Variants in BCAS3 observed in about 807,000 individuals in gnomAD.
BCAS3 encodes the protein BCAS3 microtubule associated cell migration factor.
A neutral mutation model predicts 116.1 loss-of-function variants in BCAS3; 53 were observed. The observed-to-expected ratio is 0.46, with a 90% confidence interval of 0.37 to 0.57. The LOEUF (loss-of-function observed/expected upper bound fraction) is 0.57, where lower values mean the gene tolerates loss of function less well. Among genes scored for constraint, BCAS3 ranks in the 20% least tolerant of loss-of-function variants. BCAS3 has a pLI of 0.00. For missense variants in BCAS3, 917 were observed against 1,165.4 expected, an observed-to-expected ratio of 0.79 and a Z score of 3.10; for synonymous variants, 391 against 408.2, an observed-to-expected ratio of 0.96 and a Z score of 0.51.
intron 6 of BCAS3, among the ~76,000 whole-genome samples, chr17:60,792,146 A>C (rs996262084): frequency 1.1e-4 from 16 of 152,100 alleles, no homozygotes; most frequent in African/African-American, 3.6e-4. Context: ...AAACAAACAA[A>C]AATCCCCGTT....
chr17:61,167,807 A>G (rs1170478075), intron 22 of BCAS3, among the ~76,000 whole-genome samples: 1 of 152,162 alleles, frequency 6.6e-6, no homozygotes, highest in African/African-American at 2.4e-5. Flanking sequence ...AGGACATTTC[A>G]TACAAAGGAA....
intron 5 of BCAS3, among the ~76,000 whole-genome samples, chr17:60,729,736 G>A (rs1486605226): frequency 6.6e-6 from 1 of 152,120 alleles, no homozygotes; most frequent in Non-Finnish European, 1.5e-5. Context: ...GTGGAAAGAG[G>A]CGATGAACCA....
At chr17:60,977,491 TTTATTATTATTA>T (rs199534358) in intron 14 of BCAS3, among the ~76,000 whole-genome samples, 2 of 149,610 alleles carry the variant, frequency 1.3e-5, no homozygotes, top group South Asian at 2.1e-4. Flanking sequence ...GCACTTTCTT[TTTATTATTATTA>T]TTATTATTAT....
intron 5 of BCAS3, among the ~76,000 whole-genome samples, chr17:60,734,468 A>C (rs1222654517): frequency 6.6e-6 from 1 of 152,138 alleles, no homozygotes; most frequent in East Asian, 1.9e-4. Context: ...TTCGTGTTTC[A>C]CATTTAGGTC....
Position 61,244,105 on chromosome 17 carries a change from T to G in BCAS3, c.2426-124222T>G, listed in dbSNP as rs2047740887. 6.6e-6 allele frequency among the ~76,000 whole-genome samples: 1 copy of G among 152,204 alleles called. No individual in the cohort carries two copies. Among genetic ancestry groups the G allele is most frequent in the Non-Finnish European group, 1.5e-5 (1 of 68,044 alleles). On this transcript the variant is annotated intron_variant, in intron 22 of 23. Coordinates refer to ENST00000407086, the MANE Select transcript of BCAS3 (RefSeq NM_017679.5). The surrounding 1 kb of genome is among the most constrained non-coding windows in gnomAD (Gnocchi z 4.9). ...CTTCAAGTTTTAAAAGAATAATATG[T>G]CAAATTAAAGCATTTTTAAACCTCT...
Position 61,131,818 on chromosome 17 carries a change from G to A in BCAS3, c.2425+47254G>A, listed in dbSNP as rs2076359362. On this transcript the variant is annotated intron_variant, in intron 22 of 23. Coordinates refer to ENST00000407086, the MANE Select transcript of BCAS3 (RefSeq NM_017679.5). This position sits in a 1 kb window ranked among gnomAD's most constrained non-coding sequence, Gnocchi z 4.4. Reference sequence around the variant, plus strand: ...GGTAATGAAGACAAATGTTTCAGAGGGAGTTGAGAGAAAACCAGTCCTTGG... The same window carrying A: ...GGTAATGAAGACAAATGTTTCAGAGAGAGTTGAGAGAAAACCAGTCCTTGG... Among the ~76,000 whole-genome samples, 1 of 152,222 alleles carries A rather than the reference G, an allele frequency of 6.6e-6. No homozygotes were observed. Among genetic ancestry groups the A allele is most frequent in the Admixed American group, 6.5e-5 (1 of 15,282 alleles).
chr17:60,713,159 C>G (rs191928717), intron 5 of BCAS3, among the ~76,000 whole-genome samples: 1 of 152,266 alleles, frequency 6.6e-6, no homozygotes, highest in East Asian at 1.9e-4. Context: ...CCAGAAAGTC[C>G]TTGGTTCTGA....
At chr17:61,062,921 A>G (rs932290331) in intron 19 of BCAS3, among the ~76,000 whole-genome samples, 1 of 152,202 alleles carries the variant, frequency 6.6e-6, no homozygotes, top group Non-Finnish European at 1.5e-5. Flanking sequence ...CAACACTCTC[A>G]CAGAACTGCC....
chr17:61,148,288 T>A (rs760706078), intron 22 of BCAS3, among the ~76,000 whole-genome samples: 1 of 152,248 alleles, frequency 6.6e-6, no homozygotes, highest in Non-Finnish European at 1.5e-5. Context: ...CCAACTCATT[T>A]TATTTGGTGT....
At position 60,783,631 on chromosome 17, in the gene BCAS3, A is replaced by AAAAC. The variant is rs565313932; in HGVS notation, c.404-24361_404-24358dup. The stretch of plus-strand genomic sequence containing the variant: ...TGCCCTGATGAAAATAAATTCTTTA[A>AAAAC]AAACAAACAAACAAAAACATCTATT... On this transcript the variant is annotated intron_variant, in intron 6 of 23. Transcript: ENST00000407086. Among the ~76,000 whole-genome samples, 75 of 152,322 alleles carry AAAAC rather than the reference A, an allele frequency of 4.9e-4. 2 individuals are homozygous for AAAAC. In the South Asian group the frequency reaches 0.015, roughly 29 times the overall value.
intron 5 of BCAS3, among the ~76,000 whole-genome samples, chr17:60,711,504 G>A (rs72843560): frequency 0.017 from 2,619 of 152,266 alleles, 25 homozygotes; most frequent in Non-Finnish European, 0.028. Context: ...CAAGAGGGTT[G>A]AGCCTGTGTG....
chr17:60,689,372 C>T (rs893037255), intron 3 of BCAS3, among the ~76,000 whole-genome samples: 3 of 152,140 alleles, frequency 2.0e-5, no homozygotes, highest in East Asian at 3.9e-4. Context: ...GACAGAGTTT[C>T]GCCATGTTGG....
chr17:60,886,790 C>T (rs956565572), intron 9 of BCAS3, among the ~76,000 whole-genome samples: 1 of 152,076 alleles, frequency 6.6e-6, no homozygotes, highest in African/African-American at 2.4e-5. Flanking sequence ...CTTGAGGAGG[C>T]AGTCTGCCGG....
At chr17:61,101,822 G>A (rs188698493) in intron 22 of BCAS3, among the ~76,000 whole-genome samples, 31 of 152,238 alleles carry the variant, frequency 2.0e-4, no homozygotes, top group African/African-American at 6.3e-4. Flanking sequence ...TTAAGGAAGT[G>A]CAGATATGAA....
rs2081842390 is a variant in BCAS3, at chr17:61,217,084, A to G, written c.2425+132520A>G. ...ATCACGAGGTCAGGAGATCGAGACC[A>G]TCCTGGCTAACACGGTGAAACCCCG... On this transcript the variant is annotated intron_variant, in intron 22 of 23. Transcript: ENST00000407086. The surrounding 1 kb of genome is among the most constrained non-coding windows in gnomAD (Gnocchi z 5.2). Among the ~76,000 whole-genome samples, 1 of 151,512 alleles carries G rather than the reference A, an allele frequency of 6.6e-6. No individual in the cohort carries two copies. Among genetic ancestry groups the G allele is most frequent in the Non-Finnish European group, 1.5e-5 (1 of 67,910 alleles).
intron 22 of BCAS3, among the ~76,000 whole-genome samples, chr17:61,274,615 C>T (rs2050617929): frequency 6.6e-6 from 1 of 151,894 alleles, no homozygotes; most frequent in Non-Finnish European, 1.5e-5. Flanking sequence ...GCTGTTTGAA[C>T]TTCCTTATAT....
At chr17:60,809,086 C>T (rs913220878) in intron 7 of BCAS3, among the ~76,000 whole-genome samples, 1 of 151,960 alleles carries the variant, frequency 6.6e-6, no homozygotes, top group Non-Finnish European at 1.5e-5. Context: ...GAGATTGAGA[C>T]CAGCCTTGCC....
rs1392750654 is a variant in BCAS3 at position 61,065,637 on chromosome 17, C to T, written c.2030-9283C>T. Among the ~76,000 whole-genome samples the T allele has an allele frequency of 6.6e-6, 1 of 152,118 alleles. No individual in the cohort carries two copies. The highest frequency in any genetic ancestry group is 1.5e-5 in the Non-Finnish European group (1 of 68,008). On this transcript the variant is annotated intron_variant, in intron 19 of 23. Coordinates refer to ENST00000407086, the MANE Select transcript of BCAS3 (RefSeq NM_017679.5). This position sits in a 1 kb window ranked among gnomAD's most constrained non-coding sequence, Gnocchi z 4.8. The stretch of plus-strand genomic sequence containing the variant: ...AATGCTGGCACAACATTATTCATCT[C>T]TCAGGTCTCCACTAAAAACTTTCAC...
chr17:61,290,663 A>G (rs1255835472), intron 22 of BCAS3, among the ~76,000 whole-genome samples: 2 of 152,162 alleles, frequency 1.3e-5, no homozygotes, highest in East Asian at 1.9e-4. Flanking sequence ...TTATTCCTTT[A>G]TAGTCAAATG....
Sources: allele counts gnomAD v4.1 joint callset (sites outside exome capture counted in the v4.1 genomes callset), GRCh38; gene constraint gnomAD v4.1.1; non-coding constraint Gnocchi (gnomAD v3.1); transcripts MANE v1.5; gene names NCBI Gene and HGNC (gene_info 2026-07-23, HGNC 2026-07-21).